LEO1: variants seen among roughly 807,000 people sequenced by gnomAD.
The protein encoded by LEO1 is RNA polymerase-associated protein LEO1.
Under a neutral mutation model 80.4 loss-of-function variants are expected in LEO1, and 34 were observed. The ratio of observed to expected loss-of-function variants is 0.42; its 90% CI spans 0.32 to 0.56. The LOEUF (loss-of-function observed/expected upper bound fraction) is 0.56. Among genes scored for constraint, LEO1 ranks in the 20% least tolerant of loss-of-function variants. LEO1 has a pLI of 0.10. For missense variants in LEO1, 631 were observed against 814.2 expected, an observed-to-expected ratio of 0.77 and a Z score of 2.74; for synonymous variants, 262 against 274.9, an observed-to-expected ratio of 0.95 and a Z score of 0.46.
At position 51,941,067 on chromosome 15, in the gene LEO1, C is replaced by G. The variant is rs1469364169; in HGVS notation, c.1897-2807G>C. ...CAGTCTGGGCAACAGAGCAAGACTCCATCTCAAACAAACAAACAAACAAAT... is the reference window on the plus strand; with the variant it reads ...CAGTCTGGGCAACAGAGCAAGACTCGATCTCAAACAAACAAACAAACAAAT... On this transcript the variant is annotated intron_variant, in intron 11 of 11. Transcript: ENST00000299601. 2.0e-5 allele frequency among the ~76,000 whole-genome samples: 3 copies of G among 150,772 alleles called. No homozygotes were observed. In the East Asian group the frequency reaches 5.8e-4, roughly 29 times the overall value.
Position 51,966,387 on chromosome 15 carries a change from T to A in LEO1, c.176A>T (p.Lys59Met). 2 of 1,614,140 alleles carry A rather than the reference T, an allele frequency of 1.2e-6. No individual in the cohort carries two copies. The highest frequency in any genetic ancestry group is 2.2e-5 in the South Asian group (2 of 91,082). The change falls in exon 2 of 12, where the codon AAG (lysine) becomes ATG (methionine). Residue 59 changes from lysine to methionine, a missense_variant. Transcript: ENST00000299601. ...ERGDSGQPSN[K>M]ELFGDDSEDE... ...CTCACTGTCATCTCCAAACAGTTCCTTATTACTTGGTTGTCCTGAATCACC... is the reference window on the plus strand; with the variant it reads ...CTCACTGTCATCTCCAAACAGTTCCATATTACTTGGTTGTCCTGAATCACC...
At chr15:51,962,183 T>C (rs977145376) in intron 3 of LEO1, among the ~76,000 whole-genome samples, 1 of 149,242 alleles carries the variant, frequency 6.7e-6, no homozygotes, top group Non-Finnish European at 1.5e-5. Context: ...AAAAAAAAAC[T>C]ACAAAGAGGC....
chr15:51,956,538 T>C (rs1356866081), intron 6 of LEO1, among the ~76,000 whole-genome samples: 3 of 152,006 alleles, frequency 2.0e-5, no homozygotes, highest in African/African-American at 7.2e-5. Flanking sequence ...ATAGGACACA[T>C]TGCTAGGTCT....
At position 51,965,983 on chromosome 15, in the gene LEO1, G is replaced by A. The variant is rs2057072445; in HGVS notation, c.580C>T (p.Pro194Ser). ...TGTCTCTCATCATCGGAAAGCTGAG[G>A]CCTCTCCTCATCATCTGTGTTCTGC... ...KMQNTDDEER[P>S]QLSDDERQQL... Residue 194 changes from proline to serine, a missense_variant, in exon 2 of 12, where the codon CCT (proline) becomes TCT (serine). This residue lies in a region of LEO1 where 394 missense variants were observed against 395.6 expected (regional missense o/e 1.00). Transcript: ENST00000299601. 2 of 1,613,996 alleles carry A rather than the reference G, an allele frequency of 1.2e-6. No homozygotes were observed. Among genetic ancestry groups the A allele is most frequent in the African/African-American group, 1.3e-5 (1 of 74,982 alleles).
chr15:51,947,004 C>G, intron 11 of LEO1: 6 of 364,086 alleles, frequency 1.6e-5, no homozygotes, highest in Non-Finnish European at 3.0e-5. Context: ...TTCCATCTAT[C>G]CGGAGTGACC....
chr15:51,971,069 A>C (rs2141790484), intron 1 of LEO1, among the ~76,000 whole-genome samples: 1 of 152,298 alleles, frequency 6.6e-6, no homozygotes, highest in African/African-American at 2.4e-5. Context: ...TCCTCTCTGT[A>C]CACAGACCCC....
intron 3 of LEO1, among the ~76,000 whole-genome samples, chr15:51,962,094 C>T (rs948944754): frequency 2.0e-5 from 3 of 151,246 alleles, no homozygotes; most frequent in Non-Finnish European, 4.4e-5. Context: ...ACCCAGGAGG[C>T]AGCAGTTGCA....
At chr15:51,955,408 A>G (rs1220717265) in intron 6 of LEO1, among the ~76,000 whole-genome samples, 1 of 152,258 alleles carries the variant, frequency 6.6e-6, no homozygotes, top group Admixed American at 6.5e-5. Flanking sequence ...CCAGATTTCA[A>G]TAGGTTTAGA....
At chr15:51,939,928 G>A (rs2056834089) in intron 11 of LEO1, among the ~76,000 whole-genome samples, 1 of 152,186 alleles carries the variant, frequency 6.6e-6, no homozygotes, top group Admixed American at 6.5e-5. Context: ...CCATCCTCTG[G>A]AGTAAGAAGC....
Position 51,958,979 on chromosome 15 carries a change from A to G in LEO1, c.1161-153T>C, listed in dbSNP as rs544120270. Among the ~76,000 whole-genome samples the G allele has an allele frequency of 1.4e-3, 207 of 152,164 alleles. No homozygotes were observed. In the Middle Eastern group the frequency reaches 0.014, roughly 10 times the overall value. On this transcript the variant is annotated intron_variant, in intron 5 of 11. Transcript: ENST00000299601. Reference sequence around the variant, plus strand: ...GATCAATATCTTCATGCTTAACTTCAAGGAAGTAGTAATTGTACTTTTTTC... The same window carrying G: ...GATCAATATCTTCATGCTTAACTTCGAGGAAGTAGTAATTGTACTTTTTTC...
Position 51,960,653 on chromosome 15 carries a change from G to T in LEO1, c.1000C>A (p.Pro334Thr). The change falls in exon 4 of 12, where the codon CCA becomes ACA. Residue 334 changes from proline to threonine, a missense_variant. This residue lies in a region of LEO1 where 95 missense variants were observed against 171.7 expected (regional missense o/e 0.55). Transcript: ENST00000299601. ...AACTGACTTACAACAGGCTGTCCTGGAGTAGGTGGTTTGTCTTCTCCATCA... is the reference window on the plus strand; with the variant it reads ...AACTGACTTACAACAGGCTGTCCTGTAGTAGGTGGTTTGTCTTCTCCATCA... ...GSDGEDKPPT[P>T]GQPVDENGLP... 1 of 1,597,452 alleles carries T rather than the reference G, an allele frequency of 6.3e-7. No homozygotes were observed. Among genetic ancestry groups the T allele is most frequent in the Non-Finnish European group, 8.6e-7 (1 of 1,164,902 alleles).
At chr15:51,956,281 A>G (rs976994051) in intron 6 of LEO1, among the ~76,000 whole-genome samples, 4 of 151,944 alleles carry the variant, frequency 2.6e-5, no homozygotes, top group African/African-American at 9.7e-5. Flanking sequence ...TTACCCGGGC[A>G]TGGTGGCATG....
intron 11 of LEO1, among the ~76,000 whole-genome samples, chr15:51,943,779 A>G (rs1000662181): frequency 8.2e-5 from 4 of 48,962 alleles, no homozygotes; most frequent in African/African-American, 2.8e-4. Context: ...AGAAGTGATT[A>G]AAAAAAAAAA....
At chr15:51,968,696 G>A (rs962936195) in intron 1 of LEO1, among the ~76,000 whole-genome samples, 2 of 152,080 alleles carry the variant, frequency 1.3e-5, no homozygotes, top group Non-Finnish European at 1.5e-5. Context: ...AGGCGTGGTG[G>A]TGCATGCCTG....
At chr15:51,955,792 T>A (rs2056984529) in intron 6 of LEO1, among the ~76,000 whole-genome samples, 1 of 152,204 alleles carries the variant, frequency 6.6e-6, no homozygotes, top group South Asian at 2.1e-4. Flanking sequence ...TGGGTCCTAA[T>A]GATTCCCCCT....
At chr15:51,951,167 A>T (rs776620676) in intron 9 of LEO1, among the ~76,000 whole-genome samples, 1 of 152,248 alleles carries the variant, frequency 6.6e-6, no homozygotes, top group Non-Finnish European at 1.5e-5. Flanking sequence ...TAAACAACGT[A>T]ATCACAAGAG....
chr15:51,950,122 T>C, intron 9 of LEO1, 128 bp from the exon 10 acceptor site: 1 of 825,802 alleles, frequency 1.2e-6, no homozygotes, highest in Non-Finnish European at 1.8e-6. Context: ...GTGTTCCCCA[T>C]CCCACCTCTG....
At chr15:51,963,455 C>T (rs557912598) in intron 2 of LEO1, among the ~76,000 whole-genome samples, 8 of 152,212 alleles carry the variant, frequency 5.3e-5, no homozygotes, top group Non-Finnish European at 8.8e-5. Flanking sequence ...AAAAATGTCA[C>T]AAAAATCAAC....
rs1200423627 is a variant in LEO1 at position 51,966,212 on chromosome 15, TTCA to T, written c.348_350del (p.Asp116del). 6.2e-6 allele frequency: 10 copies of T among 1,614,036 alleles called. No homozygotes were observed. The highest frequency in any genetic ancestry group is 1.6e-4 in the Middle Eastern group (1 of 6,062). ...CTCCATCCGATCTATGACCTTCGTC[TTCA>T]TCATCATTAGGGGCTTCTGATCCAC... On this transcript the variant is annotated inframe_deletion, in exon 2 of 12. Transcript: ENST00000299601.
Sources: gnomAD v4.1 joint callset for allele counts (sites outside exome capture counted in the v4.1 genomes callset) on GRCh38, gnomAD v4.1.1 for gene constraint, gnomAD v4.1.1 regional missense constraint, MANE v1.5 for transcripts, NCBI Gene and HGNC (gene_info 2026-07-23, HGNC 2026-07-21) for gene names.